DAG1: variants seen among roughly 807,000 people sequenced by gnomAD.
The protein encoded by DAG1 is dystroglycan 1, also known as dystroglycan 1 (dystrophin-associated glycoprotein 1).
DAG1 carries 8 observed loss-of-function variants against 46.1 expected under a neutral mutation model. The observed-to-expected ratio is 0.17, with a 90% CI of 0.10 to 0.31. The LOEUF (loss-of-function observed/expected upper bound fraction) is 0.31, where lower values mean the gene tolerates loss of function less well. Among genes scored for constraint, DAG1 ranks in the 10% least tolerant of loss-of-function variants. DAG1 has a pLI of 1.00. For missense variants in DAG1, 1,003 were observed against 1,189.9 expected (o/e 0.84, Z 2.31); for synonymous variants, 495 against 481.8 (o/e 1.03, Z -0.36).
chr3:49,492,088 A>G (rs2050204978), intron 1 of DAG1, among the ~76,000 whole-genome samples: 1 of 152,032 alleles, frequency 6.6e-6, no homozygotes, highest in Non-Finnish European at 1.5e-5. Flanking sequence ...CACCAAGCCC[A>G]GCTAATTTTT....
intron 2 of DAG1, among the ~76,000 whole-genome samples, chr3:49,522,781 C>T (rs555041774): frequency 6.6e-5 from 10 of 152,288 alleles, no homozygotes; most frequent in African/African-American, 2.4e-4. Flanking sequence ...TAAGGGTTGC[C>T]GAAACCAGAA....
At position 49,531,427 on chromosome 3, in the gene DAG1, C is replaced by G; in HGVS notation, c.916C>G (p.Leu306Val). Residue 306 changes from leucine to valine, a missense_variant, in exon 3 of 3, where the codon CTT becomes GTT. By Grantham distance (32) the Leu-to-Val change is conservative (BLOSUM62 1). Around this residue, in one of 3 missense-constraint regions of DAG1, gnomAD observed 755 missense variants for 854.1 expected, o/e 0.88. Transcript: ENST00000308775. This position sits in a 1 kb window ranked among gnomAD's most constrained non-coding sequence, Gnocchi z 7.0. ...GCACATCGCCAATAAGAAGCCCCCTCTTCCCAAACGCGTCCGGAGGCAGAT... is the reference window on the plus strand; with the variant it reads ...GCACATCGCCAATAAGAAGCCCCCTGTTCCCAAACGCGTCCGGAGGCAGAT... ...GWHIANKKPPLPKRVRRQIHA... is the reference protein window; with the variant it reads ...GWHIANKKPPVPKRVRRQIHA... 6.2e-7 allele frequency: 1 copy of G among 1,614,084 alleles called. No homozygotes were observed. Among genetic ancestry groups the G allele is most frequent in the Non-Finnish European group, 8.5e-7 (1 of 1,180,018 alleles).
chr3:49,470,171 G>T (rs552020690), upstream of DAG1: 33 of 151,352 alleles, frequency 2.2e-4, no homozygotes, highest in African/African-American at 8.0e-4. Context: ...AGTCGGCGCC[G>T]CGCGGAGCTG....
rs945574248 is a variant in DAG1, at chr3:49,534,681, C to G, written c.*1482C>G. The G allele has an allele frequency of 3.9e-5, 6 of 152,704 alleles. No homozygotes were observed. The highest frequency in any genetic ancestry group is 3.4e-3 in the Middle Eastern group (1 of 294). 9.5% of individuals were successfully genotyped at this position (152,704 alleles called of 1,614,324 possible). A position where few individuals can be genotyped will look rare whatever the true frequency, so the allele number is the denominator to read the frequency against. On this transcript the variant is annotated 3_prime_UTR_variant, in exon 3 of 3. Transcript: ENST00000308775. ...CTTTTGCCTTTTTTAGCAGAACATC[C>G]GTCCGTCCATCTGCATCTCTGTCCC... is the stretch of plus-strand genomic sequence containing the variant.
chr3:49,483,731 G>A (rs1176113050), intron 1 of DAG1, among the ~76,000 whole-genome samples: 1 of 152,140 alleles, frequency 6.6e-6, no homozygotes, highest in Non-Finnish European at 1.5e-5. Context: ...CTGGAGTGTG[G>A]TGGCATAATC....
intron 1 of DAG1, among the ~76,000 whole-genome samples, chr3:49,495,390 T>G (rs1453301506): frequency 6.6e-6 from 1 of 152,250 alleles, no homozygotes; most frequent in East Asian, 1.9e-4. Context: ...ACTGCATCTA[T>G]AGCAAATAAA....
rs1399931795 is a variant in DAG1, at chr3:49,534,839, C to T, written c.*1640C>T. ...AGGAATGCCTTTCGCAATAATGTAT[C>T]CATTCCCTGATTGAGGGTGGGTGGG... On this transcript the variant is annotated 3_prime_UTR_variant, in exon 3 of 3. Transcript: ENST00000308775. The T allele has an allele frequency of 2.6e-5, 4 of 153,494 alleles. No homozygotes were observed. The highest frequency in any genetic ancestry group is 5.8e-5 in the Non-Finnish European group (4 of 68,756). 9.5% of individuals were successfully genotyped at this position (153,494 alleles called of 1,614,324 possible).
At chr3:49,515,940 C>T (rs977404724) in intron 2 of DAG1, among the ~76,000 whole-genome samples, 20 of 152,136 alleles carry the variant, frequency 1.3e-4, no homozygotes, top group African/African-American at 4.8e-4. Flanking sequence ...CACCAAGAAT[C>T]GAACCCCATA....
At chr3:49,509,014 C>G (rs981789259) in intron 1 of DAG1, among the ~76,000 whole-genome samples, 1 of 152,164 alleles carries the variant, frequency 6.6e-6, no homozygotes, top group African/African-American at 2.4e-5. Context: ...CCTATAGAGT[C>G]TTACTACCAT....
At chr3:49,486,821 C>T (rs150913574) in intron 1 of DAG1, among the ~76,000 whole-genome samples, 147 of 152,162 alleles carry the variant, frequency 9.7e-4, no homozygotes, top group African/African-American at 3.3e-3. Flanking sequence ...ATATTCTTGA[C>T]GGTGTCTTCT....
At position 49,532,615 on chromosome 3, in the gene DAG1, G is replaced by T. The variant is rs1372140719; in HGVS notation, c.2104G>T (p.Ala702Ser). Residue 702 changes from alanine (A) to serine (S), a missense_variant, in exon 3 of 3, where the codon GCC (alanine) becomes TCC (serine). This residue lies in a region of DAG1 where 755 missense variants were observed against 854.1 expected (regional missense o/e 0.88). Transcript: ENST00000308775. This position sits in a 1 kb window ranked among gnomAD's most constrained non-coding sequence, Gnocchi z 5.4. ...CAACGCCCTAGAGCCTGACTTTAAG[G>T]CCACAAGCATCACTGTGACGGGCTC... ...FSNALEPDFK[A>S]TSITVTGSGS... 1 of 1,613,282 alleles carries T rather than the reference G, an allele frequency of 6.2e-7. No homozygotes were observed. Among genetic ancestry groups the T allele is most frequent in the Non-Finnish European group, 8.5e-7 (1 of 1,179,292 alleles).
intron 2 of DAG1, among the ~76,000 whole-genome samples, chr3:49,513,395 A>G (rs1413580880): frequency 1.3e-5 from 2 of 152,156 alleles, no homozygotes; most frequent in African/African-American, 2.4e-5. Flanking sequence ...TTGCCCAACA[A>G]CACTTCCATT....
rs763698927 is a variant in DAG1, at chr3:49,510,510, C to T, written c.-25C>T. On this transcript the variant is annotated 5_prime_UTR_variant, in exon 2 of 3. Transcript: ENST00000308775. Reference sequence around the variant, plus strand: ...TTGCTTCCTTACTTAGCAAGACTATCGACTTGAGCAAACTTGGACCTGGGA... The same window carrying T: ...TTGCTTCCTTACTTAGCAAGACTATTGACTTGAGCAAACTTGGACCTGGGA... 6.8e-6 allele frequency: 11 copies of T among 1,609,788 alleles called. No individual in the cohort carries two copies. Among genetic ancestry groups the T allele is most frequent in the South Asian group, 2.2e-5 (2 of 91,002 alleles).
At chr3:49,474,408 C>T (rs1178185929) in intron 1 of DAG1, among the ~76,000 whole-genome samples, 8 of 148,014 alleles carry the variant, frequency 5.4e-5, no homozygotes, top group East Asian at 2.0e-4. Flanking sequence ...TGAAGTGGTG[C>T]GATCTTGGCT....
intron 1 of DAG1, among the ~76,000 whole-genome samples, chr3:49,473,292 G>A (rs984143803): frequency 2.0e-5 from 3 of 151,436 alleles, no homozygotes; most frequent in African/African-American, 7.3e-5. Flanking sequence ...GCGGGCGCCT[G>A]TAGTCCCAGC....
chr3:49,529,387 G>A (rs1383864590), intron 2 of DAG1, among the ~76,000 whole-genome samples: 1 of 152,140 alleles, frequency 6.6e-6, no homozygotes, highest in African/African-American at 2.4e-5. Flanking sequence ...TAGTTTAAAG[G>A]GGGGAAATTA....
intron 1 of DAG1, among the ~76,000 whole-genome samples, chr3:49,471,290 A>G (rs973910773): frequency 1.3e-5 from 2 of 152,206 alleles, no homozygotes; most frequent in African/African-American, 4.8e-5. Flanking sequence ...CATAGAAGCC[A>G]GACTCCGTGA....
intron 1 of DAG1, among the ~76,000 whole-genome samples, chr3:49,472,204 C>T (rs1193778180): frequency 6.6e-6 from 1 of 151,846 alleles, no homozygotes; most frequent in Non-Finnish European, 1.5e-5. Flanking sequence ...GGGGTCAGGA[C>T]CTCTGGCAGT....
Position 49,534,068 on chromosome 3 carries a change from G to T in DAG1, c.*869G>T, listed in dbSNP as rs1273531946. ...TGAAAAAGGGACTCCAAGAGGCAGTGGTGGCTGTGGCCCCCAACTTTGGTG... is the reference window on the plus strand; with the variant it reads ...TGAAAAAGGGACTCCAAGAGGCAGTTGTGGCTGTGGCCCCCAACTTTGGTG... On this transcript the variant is annotated 3_prime_UTR_variant, in exon 3 of 3. Transcript: ENST00000308775. 2 of 152,498 alleles carry T rather than the reference G, an allele frequency of 1.3e-5. No individual in the cohort carries two copies. The highest frequency in any genetic ancestry group is 2.9e-5 in the Non-Finnish European group (2 of 68,126). The allele number at this position is 152,498 out of a possible 1,614,324, so 9.4% of individuals were successfully genotyped here. A position where few individuals can be genotyped will look rare whatever the true frequency, so the allele number is the denominator to read the frequency against.
Sources: gnomAD v4.1 joint callset for allele counts (sites outside exome capture counted in the v4.1 genomes callset) on GRCh38, gnomAD v4.1.1 for gene constraint, gnomAD v4.1.1 regional missense constraint, Gnocchi (gnomAD v3.1) non-coding constraint, MANE v1.5 for transcripts, NCBI Gene and HGNC (gene_info 2026-07-23, HGNC 2026-07-21) for gene names.